The following UGGT2 variants were observed in gnomAD, a reference collection of about 807,000 sequenced individuals.
The protein encoded by UGGT2 is UDP-glucose:glycoprotein glucosyltransferase 2.
A neutral mutation model predicts 192.1 loss-of-function variants in UGGT2; 180 were observed. The ratio of observed to expected loss-of-function variants is 0.94; its 90% confidence interval spans 0.83 to 1.06. The LOEUF (loss-of-function observed/expected upper bound fraction) is 1.06, where lower values mean the gene tolerates loss of function less well. Ranked by LOEUF, UGGT2 falls within the 50% of genes least tolerant of loss-of-function variation. The pLI, the probability that UGGT2 is intolerant of heterozygous loss-of-function variation, is 0.00. For missense variants in UGGT2, 1,849 were observed against 1,795.7 expected, an observed-to-expected ratio of 1.03 and a Z score of -0.54; for synonymous variants, 580 against 591.0, an observed-to-expected ratio of 0.98 and a Z score of 0.27.
chr13:95,914,156 T>C (rs1211255295), intron 20 of UGGT2, among the ~76,000 whole-genome samples: 1 of 151,590 alleles, frequency 6.6e-6, no homozygotes. Flanking sequence ...AAATGATGAG[T>C]TGATAGGTAC....
intron 8 of UGGT2, among the ~76,000 whole-genome samples, chr13:95,987,671 TA>T (rs1249745209): frequency 2.0e-5 from 3 of 152,164 alleles, no homozygotes. Flanking sequence ...CTAAGGGGTT[TA>T]AACTTAATAC....
intron 20 of UGGT2, among the ~76,000 whole-genome samples, chr13:95,921,799 A>C (rs1363578284): frequency 6.6e-6 from 1 of 152,214 alleles, no homozygotes; most frequent in Non-Finnish European, 1.5e-5. Context: ...GCAAGGTTGC[A>C]GAGAAAAAGG....
chr13:95,945,845 G>A (rs1186585345), intron 15 of UGGT2, among the ~76,000 whole-genome samples: 2 of 152,114 alleles, frequency 1.3e-5, no homozygotes, highest in African/African-American at 2.4e-5. Context: ...TCACTGAAGT[G>A]TAGTTTCTAT....
intron 13 of UGGT2, 98 bp from the exon 14 acceptor site, chr13:95,948,179 A>G (rs1249336607): frequency 1.4e-5 from 11 of 814,308 alleles, no homozygotes; most frequent in Non-Finnish European, 2.1e-5. Flanking sequence ...ATGAAATTCA[A>G]TGTGTAATTT....
At chr13:95,813,957 T>C (rs1884694817) in intron 38 of UGGT2, among the ~76,000 whole-genome samples, 1 of 152,142 alleles carries the variant, frequency 6.6e-6, no homozygotes, top group South Asian at 2.1e-4. Context: ...GTGGCTGGCA[T>C]GTGGTGTTAA....
intron 10 of UGGT2, among the ~76,000 whole-genome samples, chr13:95,982,072 C>A (rs2051143508): frequency 6.6e-6 from 1 of 152,192 alleles, no homozygotes; most frequent in Non-Finnish European, 1.5e-5. Flanking sequence ...CATTTCAAAA[C>A]TCTTTCACTG....
intron 38 of UGGT2, among the ~76,000 whole-genome samples, chr13:95,816,095 C>T (rs890146189): frequency 6.6e-6 from 1 of 152,142 alleles, no homozygotes; most frequent in East Asian, 1.9e-4. Flanking sequence ...TGCCATGCTT[C>T]TTGTAGAGCC....
intron 37 of UGGT2, among the ~76,000 whole-genome samples, chr13:95,836,761 CT>C (rs1887329074): frequency 6.6e-6 from 1 of 152,208 alleles, no homozygotes; most frequent in Non-Finnish European, 1.5e-5. Flanking sequence ...CTCTTGGAAT[CT>C]TGCACCTGAT....
chr13:95,962,729 G>A (rs1357761978), intron 12 of UGGT2, among the ~76,000 whole-genome samples: 1 of 152,010 alleles, frequency 6.6e-6, no homozygotes, highest in East Asian at 1.9e-4. Flanking sequence ...AAAACCAGAC[G>A]AGGACACAAC....
intron 32 of UGGT2, 48 bp downstream of exon 32, chr13:95,860,740 C>A (rs1439532488): frequency 3.3e-6 from 4 of 1,207,828 alleles, no homozygotes; most frequent in South Asian, 2.0e-5. Context: ...AAATTTGAAC[C>A]ATGTAAATAT....
At chr13:95,934,657 A>AC (rs1253580398) in intron 17 of UGGT2, among the ~76,000 whole-genome samples, 1 of 152,118 alleles carries the variant, frequency 6.6e-6, no homozygotes, top group Non-Finnish European at 1.5e-5. Context: ...GACTACAGGC[A>AC]CCCACCATGA....
intron 20 of UGGT2, among the ~76,000 whole-genome samples, chr13:95,923,512 G>T (rs2140416836): frequency 6.6e-6 from 1 of 152,130 alleles, no homozygotes; most frequent in Admixed American, 6.5e-5. Context: ...GGGATTACAG[G>T]CATGTGCCAT....
intron 1 of UGGT2, among the ~76,000 whole-genome samples, chr13:96,048,230 G>C (rs1292266979): frequency 1.3e-5 from 2 of 152,184 alleles, no homozygotes; most frequent in Non-Finnish European, 2.9e-5. Context: ...GCTCCTGAAT[G>C]ACTACTGGGT....
At chr13:95,847,871 A>G (rs1387462058) in intron 36 of UGGT2, among the ~76,000 whole-genome samples, 3 of 152,246 alleles carry the variant, frequency 2.0e-5, no homozygotes, top group African/African-American at 7.2e-5. Context: ...GTTTTGTAAG[A>G]AACTGTCAAA....
chr13:96,010,261 A>T (rs1307279789), intron 5 of UGGT2, among the ~76,000 whole-genome samples: 1 of 152,246 alleles, frequency 6.6e-6, no homozygotes, highest in Non-Finnish European at 1.5e-5. Context: ...AGTAAAATGG[A>T]TAAAGAAAAT....
At chr13:95,939,688 C>T (rs1003198043) in intron 16 of UGGT2, among the ~76,000 whole-genome samples, 1 of 151,980 alleles carries the variant, frequency 6.6e-6, no homozygotes, top group South Asian at 2.1e-4. Context: ...TTAAAATGTA[C>T]TTAGTAATTT....
At chr13:96,030,531 T>A (rs1417734916) in intron 2 of UGGT2, among the ~76,000 whole-genome samples, 3 of 152,246 alleles carry the variant, frequency 2.0e-5, no homozygotes, top group African/African-American at 7.2e-5. Flanking sequence ...AAATCTACTT[T>A]GTGAAATCAC....
At chr13:95,837,026 A>G (rs1594109951) in intron 37 of UGGT2, 60 bp downstream of exon 37, 24 of 1,285,826 alleles carry the variant, frequency 1.9e-5, no homozygotes, top group African/African-American at 2.9e-5. Context: ...CAGAAAGAAA[A>G]TATTTCTATT....
At chr13:95,816,494 A>T (rs1305010915) in intron 38 of UGGT2, among the ~76,000 whole-genome samples, 1 of 152,228 alleles carries the variant, frequency 6.6e-6, no homozygotes, top group East Asian at 1.9e-4. Flanking sequence ...AATAACCCAA[A>T]GGTTCATCAA....
Sources: allele counts gnomAD v4.1 joint callset (sites outside exome capture counted in the v4.1 genomes callset), GRCh38; gene constraint gnomAD v4.1.1; transcripts MANE v1.5; gene names NCBI Gene and HGNC (gene_info 2026-07-23, HGNC 2026-07-21).